Variants in EVA1C observed in about 807,000 individuals in gnomAD.
The protein encoded by EVA1C is protein eva-1 homolog C.
In EVA1C, 25 loss-of-function variants were observed where a neutral mutation model predicts 45.4. The observed-to-expected ratio is 0.55, with a 90% CI of 0.40 to 0.77. EVA1C has a LOEUF of 0.77. Among genes scored for constraint, EVA1C ranks in the 30% least tolerant of loss-of-function variants. EVA1C has a pLI of 0.00. For missense variants in EVA1C, 479 were observed against 554.8 expected (o/e 0.86, Z 1.37); for synonymous variants, 190 against 221.2 (o/e 0.86, Z 1.25).
At chr21:32,497,177 T>C in intron 5 of EVA1C, 1 of 799,158 alleles carries the variant, frequency 1.3e-6, no homozygotes, top group East Asian at 2.4e-5. Context: ...GAAGATAGTA[T>C]TTGGAATGAA....
At chr21:32,442,617 G>A (rs971021874) in intron 1 of EVA1C, among the ~76,000 whole-genome samples, 2 of 150,670 alleles carry the variant, frequency 1.3e-5, no homozygotes, top group East Asian at 2.0e-4. Context: ...ATACAAGGGT[G>A]TGGTCTTTTA....
At chr21:32,511,435 A>G (rs2037947120) in intron 7 of EVA1C, among the ~76,000 whole-genome samples, 1 of 150,726 alleles carries the variant, frequency 6.6e-6, no homozygotes, top group African/African-American at 2.4e-5. Flanking sequence ...AAAAAAAAAA[A>G]AAAAAAGAAA....
intron 5 of EVA1C, among the ~76,000 whole-genome samples, chr21:32,500,876 C>T (rs61332118): frequency 0.14 from 20,682 of 151,780 alleles, 1,539 homozygotes; most frequent in Middle Eastern, 0.3. Flanking sequence ...CAGTGGTGCG[C>T]TCTTCGCTCA....
Position 32,430,972 on chromosome 21 carries a change from C to CAAAAAA in EVA1C, c.160+17965_160+17970dup, listed in dbSNP as rs1038641892. On this transcript the variant is annotated intron_variant, in intron 1 of 7. Coordinates refer to ENST00000300255, the MANE Select transcript of EVA1C (RefSeq NM_058187.5). ...TCGGCAACAGAGTGAGACTTGGTCT[C>CAAAAAA]AAAAAAAAAAATTAGATCTTGTGAG... 6.8e-5 allele frequency among the ~76,000 whole-genome samples: 7 copies of CAAAAAA among 103,104 alleles called. No individual in the cohort carries two copies. In the East Asian group the frequency reaches 2.1e-3, roughly 31 times the overall value. 67.6% of individuals were successfully genotyped at this position (103,104 alleles called of 152,430 possible).
At chr21:32,493,060 G>T (rs982685667) in intron 4 of EVA1C, among the ~76,000 whole-genome samples, 1 of 152,166 alleles carries the variant, frequency 6.6e-6, no homozygotes, top group Non-Finnish European at 1.5e-5. Flanking sequence ...CAGTGGGCCA[G>T]GTGTGGGAAC....
intron 7 of EVA1C, among the ~76,000 whole-genome samples, chr21:32,507,720 G>A (rs1030602273): frequency 6.6e-6 from 1 of 151,232 alleles, no homozygotes; most frequent in Non-Finnish European, 1.5e-5. Flanking sequence ...GTGTGTGCAT[G>A]TGTGTGCATA....
intron 1 of EVA1C, among the ~76,000 whole-genome samples, chr21:32,442,083 G>T (rs921301481): frequency 2.0e-5 from 3 of 152,150 alleles, no homozygotes; most frequent in Non-Finnish European, 4.4e-5. Context: ...GAGAGATTGG[G>T]GTAGGGCAGG....
intron 4 of EVA1C, among the ~76,000 whole-genome samples, chr21:32,485,056 G>A (rs1238047947): frequency 6.6e-6 from 1 of 152,068 alleles, no homozygotes; most frequent in Admixed American, 6.6e-5. Context: ...CATATTAGAC[G>A]CATGCGTCTT....
Position 32,424,800 on chromosome 21 carries a change from A to AT in EVA1C, c.160+11795dup, listed in dbSNP as rs532184739. 2.1e-4 allele frequency among the ~76,000 whole-genome samples: 32 copies of AT among 151,936 alleles called. No individual in the cohort carries two copies. In the South Asian group the frequency reaches 6.0e-3, roughly 29 times the overall value. ...AAGGTCCCTCTCATCTGATTTCCGTATTTTTTTTATTTTAAGTTAGAATGT... is the reference window on the plus strand; with the variant it reads ...AAGGTCCCTCTCATCTGATTTCCGTATTTTTTTTTATTTTAAGTTAGAATGT... On this transcript the variant is annotated intron_variant, in intron 1 of 7. Coordinates refer to ENST00000300255, the MANE Select transcript of EVA1C (RefSeq NM_058187.5).
At chr21:32,426,861 C>T (rs2146137057) in intron 1 of EVA1C, among the ~76,000 whole-genome samples, 1 of 152,100 alleles carries the variant, frequency 6.6e-6, no homozygotes, top group African/African-American at 2.4e-5. Flanking sequence ...GTATTGTTTC[C>T]AAGAGAGCGA....
At chr21:32,472,815 C>G (rs2036426146) in intron 4 of EVA1C, among the ~76,000 whole-genome samples, 1 of 152,218 alleles carries the variant, frequency 6.6e-6, no homozygotes, top group African/African-American at 2.4e-5. Flanking sequence ...CTCTGTGCCC[C>G]TTGCTTGGCT....
intron 5 of EVA1C, 80 bp downstream of exon 5, chr21:32,495,250 T>G (rs1601418038): frequency 6.6e-7 from 1 of 1,513,254 alleles, no homozygotes; most frequent in Non-Finnish European, 9.0e-7. Flanking sequence ...ACGGCAGGAG[T>G]TTGCCCAGAA....
At position 32,474,103 on chromosome 21, in the gene EVA1C, G is replaced by A; in HGVS notation, c.634+6255G>A. ...CCACCATGCCTGGCATGGTGGAGAT[G>A]AAGTCTTGCTATTTTGCCCAGGCTG... On this transcript the variant is annotated intron_variant, in intron 4 of 7. Coordinates refer to ENST00000300255, the MANE Select transcript of EVA1C (RefSeq NM_058187.5). The surrounding 1 kb of genome is among the most constrained non-coding windows in gnomAD (Gnocchi z 4.4). 3.5e-6 allele frequency: 1 copy of A among 283,800 alleles called. No homozygotes were observed. Among genetic ancestry groups the A allele is most frequent in the Non-Finnish European group, 5.3e-6 (1 of 188,626 alleles). The allele number at this position is 283,800 out of a possible 1,614,324, so 17.6% of individuals were successfully genotyped here.
At chr21:32,429,098 C>T (rs760139181) in intron 1 of EVA1C, among the ~76,000 whole-genome samples, 3 of 152,124 alleles carry the variant, frequency 2.0e-5, no homozygotes, top group Admixed American at 6.5e-5. Flanking sequence ...AATCTCAGCT[C>T]ACGGCAACCT....
chr21:32,481,201 G>A (rs577486222), intron 4 of EVA1C, among the ~76,000 whole-genome samples: 2 of 152,092 alleles, frequency 1.3e-5, no homozygotes, highest in South Asian at 4.1e-4. Flanking sequence ...GTTTGGAAAC[G>A]TTAGACTTCT....
chr21:32,489,568 C>CT (rs1363554945), intron 4 of EVA1C, among the ~76,000 whole-genome samples: 2 of 152,256 alleles, frequency 1.3e-5, no homozygotes, highest in East Asian at 3.9e-4. Context: ...CTCAAGATTG[C>CT]TTTGGCTGTT....
At chr21:32,464,726 G>A (rs1051423559) in intron 3 of EVA1C, among the ~76,000 whole-genome samples, 7 of 152,186 alleles carry the variant, frequency 4.6e-5, no homozygotes, top group African/African-American at 1.4e-4. Flanking sequence ...GGAGGCTGAG[G>A]CAGGAGAATC....
chr21:32,490,347 C>T (rs1443588686), intron 4 of EVA1C, among the ~76,000 whole-genome samples: 2 of 152,160 alleles, frequency 1.3e-5, no homozygotes, highest in Non-Finnish European at 2.9e-5. Context: ...TTGTGACTGG[C>T]TTACTTCACT....
chr21:32,500,029 C>T (rs962473860), intron 5 of EVA1C, among the ~76,000 whole-genome samples: 1 of 152,024 alleles, frequency 6.6e-6, no homozygotes, highest in African/African-American at 2.4e-5. Context: ...ACAGGGTCTT[C>T]GAATTCTTTC....
Sources: gnomAD v4.1 joint callset for allele counts (sites outside exome capture counted in the v4.1 genomes callset) on GRCh38, gnomAD v4.1.1 for gene constraint, Gnocchi (gnomAD v3.1) non-coding constraint, MANE v1.5 for transcripts, NCBI Gene and HGNC (gene_info 2026-07-23, HGNC 2026-07-21) for gene names.